Variants in WAC observed in about 807,000 individuals in gnomAD.
The protein encoded by WAC is WW domain containing adaptor with coiled-coil.
Under a neutral mutation model 79.6 loss-of-function variants are expected in WAC, and 11 were observed. The observed-to-expected ratio is 0.14, with a 90% CI of 0.09 to 0.23. The LOEUF (loss-of-function observed/expected upper bound fraction) is 0.23. WAC is among the 10% of genes least tolerant of loss of function. The pLI is 1.00. For missense variants in WAC, 728 were observed against 773.5 expected, an observed-to-expected ratio of 0.94 and a Z score of 0.70; for synonymous variants, 304 against 276.9, an observed-to-expected ratio of 1.10 and a Z score of -0.97.
intron 3 of WAC, among the ~76,000 whole-genome samples, chr10:28,569,565 A>G (rs1044972564): frequency 2.6e-5 from 4 of 152,284 alleles, no homozygotes; most frequent in Non-Finnish European, 5.9e-5. Context: ...TTTATGATTG[A>G]ATCTGTTTCT....
intron 2 of WAC, chr10:28,534,340 A>T (rs544008125): frequency 4.0e-4 from 139 of 351,382 alleles, no homozygotes; most frequent in South Asian, 3.9e-3. Context: ...ATGGGATGAG[A>T]TGATAGGTGA....
chr10:28,606,158 C>T (rs1247238000), intron 7 of WAC, among the ~76,000 whole-genome samples: 1 of 151,724 alleles, frequency 6.6e-6, no homozygotes, highest in Non-Finnish European at 1.5e-5. Flanking sequence ...TCAGGTGGTT[C>T]TCCCACCTCA....
chr10:28,578,651 G>A lies in WAC; in HGVS notation c.275-4748G>A, dbSNP rs373137536. On this transcript the variant is annotated intron_variant, in intron 3 of 13. Coordinates refer to ENST00000354911, the MANE Select transcript of WAC (RefSeq NM_016628.5). The stretch of plus-strand genomic sequence containing the variant: ...TGTAATTGCTTAATGTCCATTTCTC[G>A]CTGAGTCAGGTATGTTTTGATGAAT... Among the ~76,000 whole-genome samples, 9 of 152,028 alleles carry A rather than the reference G, an allele frequency of 5.9e-5. No homozygotes were observed. The East Asian group carries it at 9.7e-4, about 16-fold the overall frequency.
chr10:28,595,722 G>A lies in WAC; in HGVS notation c.611-11G>A, dbSNP rs756055728. On this transcript the variant is annotated splice_polypyrimidine_tract_variant and intron_variant, in intron 6 of 13. Coordinates refer to ENST00000354911, the MANE Select transcript of WAC (RefSeq NM_016628.5). The stretch of plus-strand genomic sequence containing the variant: ...ATTCCAACATCTGTTTTTTCGAACT[G>A]TGAACTAAAGTGGAAGACAAGCATT... The A allele has an allele frequency of 1.2e-6, 2 of 1,602,566 alleles. No individual in the cohort carries two copies. The highest frequency in any genetic ancestry group is 1.7e-6 in the Non-Finnish European group (2 of 1,172,724).
Position 28,619,960 on chromosome 10 carries a change from T to TAAA in WAC, c.*371_*373dup, listed in dbSNP as rs35294532. On this transcript the variant is annotated 3_prime_UTR_variant, in exon 14 of 14. Transcript: ENST00000354911. ...AACCTGTCTGCAAAATTAGCTTTTT[T>TAAA]AAAAAAAAAAAAAAAAAAATTGGGG... is the stretch of plus-strand genomic sequence containing the variant. The TAAA allele has an allele frequency of 2.8e-5, 4 of 142,114 alleles. No individual in the cohort carries two copies. Among genetic ancestry groups the TAAA allele is most frequent in the Admixed American group, 1.4e-4 (2 of 14,250 alleles). The allele number at this position is 142,114 out of a possible 1,614,324, so 8.8% of individuals were successfully genotyped here.
chr10:28,556,226 C>T (rs1161658460), intron 3 of WAC, among the ~76,000 whole-genome samples: 3 of 151,470 alleles, frequency 2.0e-5, no homozygotes, highest in Non-Finnish European at 3.0e-5. Context: ...CAACACTTAA[C>T]CTCTTGTTTT....
intron 6 of WAC, among the ~76,000 whole-genome samples, chr10:28,593,611 T>C (rs1840207320): frequency 6.6e-6 from 1 of 151,222 alleles, no homozygotes; most frequent in Admixed American, 6.6e-5. Context: ...CTACTAAAAA[T>C]ACAAAAATAA....
chr10:28,611,111 G>A (rs1841219075), intron 9 of WAC: 2 of 592,710 alleles, frequency 3.4e-6, no homozygotes, highest in South Asian at 2.1e-5. Flanking sequence ...GTTTTTTTAT[G>A]CCAAAGCTGA....
At chr10:28,540,808 C>A (rs1836969469) in intron 3 of WAC, among the ~76,000 whole-genome samples, 1 of 151,896 alleles carries the variant, frequency 6.6e-6, no homozygotes. Flanking sequence ...ACACAGGAAA[C>A]ATACTCTGTT....
chr10:28,590,499 A>G (rs796178957), intron 5 of WAC, among the ~76,000 whole-genome samples: 3 of 152,140 alleles, frequency 2.0e-5, no homozygotes, highest in African/African-American at 7.2e-5. Context: ...AGCTTTGGTT[A>G]TGGCGTTAGT....
At chr10:28,583,816 T>G (rs1043004645) in intron 4 of WAC, among the ~76,000 whole-genome samples, 1 of 152,182 alleles carries the variant, frequency 6.6e-6, no homozygotes, top group African/African-American at 2.4e-5. Context: ...GAAACTTCTT[T>G]AAAGTGGTCT....
chr10:28,593,164 A>T (rs1436693604), intron 6 of WAC, among the ~76,000 whole-genome samples: 1 of 152,190 alleles, frequency 6.6e-6, no homozygotes, highest in Non-Finnish European at 1.5e-5. Flanking sequence ...TGTTTGAGGA[A>T]GAACCTTAGC....
In WAC at chr10:28,621,425, CTG is replaced by C. The variant is rs778876820; in HGVS notation, c.*1821_*1822del. The C allele has an allele frequency of 2.0e-4, 31 of 152,158 alleles. No homozygotes were observed. Among genetic ancestry groups the C allele is most frequent in the Non-Finnish European group, 3.4e-4 (23 of 68,006 alleles). The allele number at this position is 152,158 out of a possible 1,614,324, so 9.4% of individuals were successfully genotyped here. On this transcript the variant is annotated 3_prime_UTR_variant, in exon 14 of 14. Transcript: ENST00000354911. The stretch of plus-strand genomic sequence containing the variant: ...CTTTTCAGTAAGCTCAAAAAGTTAA[CTG>C]TAAGCGATAGTGTTGGTGTTTTCTA...
intron 9 of WAC, 78 bp from the exon 10 acceptor site, chr10:28,611,696 C>T (rs1841246805): frequency 2.6e-6 from 4 of 1,525,884 alleles, no homozygotes; most frequent in South Asian, 2.5e-5. Flanking sequence ...AATATCTTTG[C>T]CACATATATT....
intron 6 of WAC, among the ~76,000 whole-genome samples, chr10:28,592,731 A>C (rs1413783554): frequency 1.3e-5 from 2 of 152,188 alleles, no homozygotes; most frequent in Admixed American, 1.3e-4. Context: ...GTAAATAGGT[A>C]AAGTTTTTAA....
chr10:28,535,012 G>A (rs752236869), intron 2 of WAC, among the ~76,000 whole-genome samples: 3 of 152,062 alleles, frequency 2.0e-5, no homozygotes, highest in African/African-American at 7.2e-5. Flanking sequence ...GTTTATTTTG[G>A]TTAGTATTTT....
At chr10:28,535,980 C>CG (rs1836644997) in intron 3 of WAC, 1 of 329,322 alleles carries the variant, frequency 3.0e-6, no homozygotes, top group Non-Finnish European at 5.4e-6. Flanking sequence ...CGGTGGCTCA[C>CG]GCCTGTAATC....
chr10:28,559,064 C>T (rs2132472832), intron 3 of WAC, among the ~76,000 whole-genome samples: 1 of 151,780 alleles, frequency 6.6e-6, no homozygotes, highest in South Asian at 2.1e-4. Flanking sequence ...ATATATCAGG[C>T]AGCCTAGTGT....
rs1841198033 is a variant in WAC at position 28,610,751 on chromosome 10, T to C, written c.1218T>C (p.Phe406=). The change falls in exon 9 of 14, where the codon TTT becomes TTC. Residue 406 remains phenylalanine (F), a synonymous_variant. Transcript: ENST00000354911. ...CACTGCAGTCTATAATTCATAAGTTTCTTACTGCTGGACCATCTGCTTTCA... is the reference window on the plus strand; with the variant it reads ...CACTGCAGTCTATAATTCATAAGTTCCTTACTGCTGGACCATCTGCTTTCA... ...QASLQSIIHK[F]LTAGPSAFNI... 1 of 1,612,788 alleles carries C rather than the reference T, an allele frequency of 6.2e-7. No homozygotes were observed. Among genetic ancestry groups the C allele is most frequent in the Admixed American group, 1.7e-5 (1 of 59,892 alleles).
Sources: allele counts gnomAD v4.1 joint callset (sites outside exome capture counted in the v4.1 genomes callset), GRCh38; gene constraint gnomAD v4.1.1; transcripts MANE v1.5; gene names NCBI Gene and HGNC (gene_info 2026-07-23, HGNC 2026-07-21).